RPH3AL: variants seen among roughly 807,000 people sequenced by gnomAD.
RPH3AL encodes the protein rab effector Noc2.
A neutral mutation model predicts 43.1 loss-of-function variants in RPH3AL; 38 were observed. The ratio of observed to expected loss-of-function variants is 0.88; its 90% confidence interval spans 0.68 to 1.15. The LOEUF (loss-of-function observed/expected upper bound fraction) is 1.15. Ranked by LOEUF, RPH3AL falls within the 50% of genes most tolerant of loss-of-function variation. RPH3AL has a pLI of 0.00. For synonymous variants in RPH3AL, 189 were observed against 176.3 expected (o/e 1.07, Z -0.57); for missense variants, 462 against 423.2 (o/e 1.09, Z -0.81).
At chr17:219,806 C>T (rs1035586020) in intron 7 of RPH3AL, 70 bp from the exon 8 acceptor site, 80 of 1,153,194 alleles carry the variant, frequency 6.9e-5, no homozygotes, top group South Asian at 1.8e-4. Flanking sequence ...GACGGAGGGA[C>T]GAGGGCAGGC....
intron 7 of RPH3AL, among the ~76,000 whole-genome samples, chr17:235,791 A>G (rs2041370301): frequency 7.0e-6 from 1 of 143,126 alleles, no homozygotes; most frequent in South Asian, 2.3e-4. Flanking sequence ...CGCACTAACA[A>G]GATGGATCCT....
intron 7 of RPH3AL, among the ~76,000 whole-genome samples, chr17:222,156 T>TA (rs1475135770): frequency 6.6e-6 from 1 of 151,982 alleles, no homozygotes; most frequent in Non-Finnish European, 1.5e-5. Flanking sequence ...AGCTGACCCT[T>TA]AGGGAGCATT....
In RPH3AL at chr17:219,749, G is replaced by T. The variant is rs748356323; in HGVS notation, c.614-13C>A. The T allele has an allele frequency of 3.1e-6, 5 of 1,602,638 alleles. No individual in the cohort carries two copies. The highest frequency in any genetic ancestry group is 4.3e-6 in the Non-Finnish European group (5 of 1,169,976). On this transcript the variant is annotated splice_polypyrimidine_tract_variant and intron_variant, in intron 7 of 9. Coordinates refer to ENST00000331302, the MANE Select transcript of RPH3AL (RefSeq NM_006987.4). ...TCACTGGAAACCACTGGAAGAGACA[G>T]ACCACAGCACAGGAGGTCACCCGAC...
Position 333,357 on chromosome 17 carries a change from T to C in RPH3AL, c.-37+402A>G. The C allele has an allele frequency of 1.7e-6, 2 of 1,204,480 alleles. No individual in the cohort carries two copies. The highest frequency in any genetic ancestry group is 2.2e-6 in the Non-Finnish European group (2 of 914,946). The allele number at this position is 1,204,480 out of a possible 1,614,324, so 74.6% of individuals were successfully genotyped here. ...TAAATTCTCACATCAGCCACCCCCA[T>C]GGCGACTCTTAACACCTTAATGTAG... On this transcript the variant is annotated intron_variant, in intron 2 of 9. Transcript: ENST00000331302. This position sits in a 1 kb window ranked among gnomAD's most constrained non-coding sequence, Gnocchi z 4.5.
intron 5 of RPH3AL, among the ~76,000 whole-genome samples, chr17:316,569 C>G (rs1449889861): frequency 3.2e-5 from 2 of 63,226 alleles, no homozygotes; most frequent in Non-Finnish European, 7.2e-5. Flanking sequence ...AGTCCCTGTG[C>G]CCCACCTCCA....
At chr17:348,019 A>G (rs536773598) in intron 1 of RPH3AL, among the ~76,000 whole-genome samples, 1 of 150,220 alleles carries the variant, frequency 6.7e-6, no homozygotes, top group South Asian at 2.1e-4. Context: ...AAAAAAAATT[A>G]AATTAATTAA....
intron 6 of RPH3AL, among the ~76,000 whole-genome samples, chr17:262,497 A>T (rs560671570): frequency 2.0e-5 from 3 of 150,108 alleles, no homozygotes; most frequent in African/African-American, 7.3e-5. Context: ...TACAGGCGTG[A>T]GCCACCGCAC....
chr17:242,675 AC>A (rs1555537538), intron 7 of RPH3AL, among the ~76,000 whole-genome samples: 30 of 126,072 alleles, frequency 2.4e-4, no homozygotes, highest in South Asian at 5.8e-4. Flanking sequence ...TCCTCTATTG[AC>A]TACCTTCCTC....
chr17:251,173 G>T (rs1270015722), intron 6 of RPH3AL, among the ~76,000 whole-genome samples: 1 of 152,188 alleles, frequency 6.6e-6, no homozygotes, highest in Non-Finnish European at 1.5e-5. Flanking sequence ...TGTGTGAAGG[G>T]CCTGCTTTTG....
rs1046010586 is a variant in RPH3AL, at chr17:328,487, G to A, written c.-36-908C>T. ...TAAAAAAGATCCAGGTTCGAAATCC[G>A]TTTGACACTTCCTCAAAATGTTGAA... On this transcript the variant is annotated intron_variant, in intron 2 of 9. Transcript: ENST00000331302. The surrounding 1 kb of genome is among the most constrained non-coding windows in gnomAD (Gnocchi z 4.2). Among the ~76,000 whole-genome samples the A allele has an allele frequency of 4.6e-5, 7 of 151,848 alleles. No homozygotes were observed. Among genetic ancestry groups the A allele is most frequent in the South Asian group, 2.1e-4 (1 of 4,810 alleles).
At chr17:332,072 T>C (rs1430887082) in intron 2 of RPH3AL, 3 of 365,398 alleles carry the variant, frequency 8.2e-6, no homozygotes, top group African/African-American at 6.5e-5. Context: ...GTGGACATGG[T>C]TGATGGACCT....
At chr17:303,403 AC>A (rs1157945745) in intron 5 of RPH3AL, among the ~76,000 whole-genome samples, 1 of 151,440 alleles carries the variant, frequency 6.6e-6, no homozygotes, top group African/African-American at 2.4e-5. Flanking sequence ...AAAAACAATC[AC>A]GAAAAAAAAA....
chr17:224,471 C>T (rs577082621), intron 7 of RPH3AL, among the ~76,000 whole-genome samples: 127 of 152,350 alleles, frequency 8.3e-4, no homozygotes, highest in African/African-American at 2.8e-3. Context: ...GGAAGCCCTC[C>T]GTCTCACCTG....
chr17:235,795 G>A (rs1163194119), intron 7 of RPH3AL, among the ~76,000 whole-genome samples: 38 of 139,122 alleles, frequency 2.7e-4, no homozygotes, highest in South Asian at 7.2e-4. Flanking sequence ...CTAACAAGAT[G>A]GATCCTGGGT....
At chr17:312,702 T>A (rs1047225123) in intron 5 of RPH3AL, among the ~76,000 whole-genome samples, 1 of 152,234 alleles carries the variant, frequency 6.6e-6, no homozygotes, top group African/African-American at 2.4e-5. Flanking sequence ...TCTCCTGCAC[T>A]ATTGCATCCA....
At chr17:293,780 G>A (rs1010911492) in intron 5 of RPH3AL, among the ~76,000 whole-genome samples, 6 of 152,190 alleles carry the variant, frequency 3.9e-5, no homozygotes, top group African/African-American at 1.2e-4. Context: ...TGTAATCCCA[G>A]CAATTTGGGA....
At chr17:318,524 C>T (rs1377357536) in intron 5 of RPH3AL, among the ~76,000 whole-genome samples, 6 of 151,988 alleles carry the variant, frequency 3.9e-5, no homozygotes, top group South Asian at 2.1e-4. Flanking sequence ...AGGGAAATCC[C>T]GTTATAATAG....
intron 1 of RPH3AL, among the ~76,000 whole-genome samples, chr17:340,315 C>T (rs112824979): frequency 2.0e-5 from 3 of 152,022 alleles, no homozygotes; most frequent in Admixed American, 6.5e-5. Flanking sequence ...AAACACACAC[C>T]TGGTGTCATA....
intron 8 of RPH3AL, among the ~76,000 whole-genome samples, chr17:219,286 C>T (rs548931625): frequency 8.8e-5 from 13 of 147,122 alleles, no homozygotes; most frequent in African/African-American, 3.0e-4. Context: ...TCAACCTCCA[C>T]CCCCTGGATT....
Sources: allele counts gnomAD v4.1 joint callset (sites outside exome capture counted in the v4.1 genomes callset), GRCh38; gene constraint gnomAD v4.1.1; non-coding constraint Gnocchi (gnomAD v3.1); transcripts MANE v1.5; gene names NCBI Gene and HGNC (gene_info 2026-07-23, HGNC 2026-07-21).